The following C4orf50 variants were observed in gnomAD, a reference collection of about 807,000 sequenced individuals.
C4orf50 encodes uncharacterized protein C4orf50.
In C4orf50, 80 loss-of-function variants were observed where a neutral mutation model predicts 77.2. The ratio of observed to expected loss-of-function variants is 1.04; its 90% confidence interval spans 0.87 to 1.25. The LOEUF (loss-of-function observed/expected upper bound fraction) is 1.25, where lower values mean the gene tolerates loss of function less well. Among genes scored for constraint, C4orf50 ranks in the 50% most tolerant of loss-of-function variants. The pLI is 0.00. For missense variants in C4orf50, 1,257 were observed against 1,152.9 expected, an observed-to-expected ratio of 1.09 and a Z score of -1.31; for synonymous variants, 532 against 465.3, an observed-to-expected ratio of 1.14 and a Z score of -1.84.
chr4:5,955,762 C>G (rs531164609), downstream of C4orf50, among the ~76,000 whole-genome samples: 1 of 152,126 alleles, frequency 6.6e-6, no homozygotes, highest in Non-Finnish European at 1.5e-5. The surrounding 1 kb of genome is among the most constrained non-coding windows in gnomAD (Gnocchi z 5.1). Context: ...CTGGCCCCTC[C>G]GGTGGAGTCA....
At chr4:5,925,245 C>A (rs965180208) in intron 7 of C4orf50, among the ~76,000 whole-genome samples, 1 of 151,756 alleles carries the variant, frequency 6.6e-6, no homozygotes, top group South Asian at 2.1e-4. Flanking sequence ...CAAGGGGAGA[C>A]CCGCAACCCC....
chr4:5,953,632 G>C (rs1718822574), downstream of C4orf50, among the ~76,000 whole-genome samples: 1 of 152,194 alleles, frequency 6.6e-6, no homozygotes, highest in South Asian at 2.1e-4. Context: ...CTGGGAGAGT[G>C]CCAGCCTCCT....
rs113963325 is a variant in C4orf50, at chr4:5,988,223, C to T, written c.3699+124G>A. ...TTTCTTTGTACCAACCTCCTCTCAT[C>T]TGGTAAGTGGGGAGGATGATTGTAC... On this transcript the variant is annotated intron_variant, in intron 28 of 33. Transcript: ENST00000531445. 301 of 1,280,422 alleles carry T rather than the reference C, an allele frequency of 2.4e-4. 4 individuals are homozygous for T. In the African/African-American group the frequency reaches 3.6e-3, roughly 15 times the overall value. The allele number at this position is 1,280,422 out of a possible 1,614,324, so 79.3% of individuals were successfully genotyped here. A position where few individuals can be genotyped will look rare whatever the true frequency, so the allele number is the denominator to read the frequency against.
intron 27 of C4orf50, 55 bp from the exon 6 acceptor site, chr4:5,990,879 C>A: frequency 2.5e-6 from 1 of 398,902 alleles, no homozygotes; most frequent in Non-Finnish European, 4.4e-6. Context: ...CCATTTAGCA[C>A]CCCCACCTCC....
chr4:5,988,927 C>G (rs1030357371), exon 28 of C4orf50: 2 of 1,535,922 alleles, frequency 1.3e-6, no homozygotes, highest in African/African-American at 2.7e-5. Flanking sequence ...TTTGGATTTC[C>G]TGACACTCTC....
intron 29 of C4orf50, 112 bp downstream of exon 7, chr4:5,980,062 G>A (rs28572583): frequency 0.3 from 229,370 of 767,022 alleles, 36,809 homozygotes; most frequent in African/African-American, 0.44. Context: ...TCCAGTACCT[G>A]CTCCCAACTG....
Position 5,992,279 on chromosome 4 carries a change from C to T in C4orf50, c.1221+524G>A, listed in dbSNP as rs1721333140. ...CACAACCACAGCCGGGCTCGCGGGT[C>T]CCAGCACAGCTCTGTTCCTCAGGGA... On this transcript the variant is annotated intron_variant, in intron 27 of 33. Transcript: ENST00000531445. This position sits in a 1 kb window ranked among gnomAD's most constrained non-coding sequence, Gnocchi z 5.0. Among the ~76,000 whole-genome samples the T allele has an allele frequency of 6.6e-6, 1 of 152,172 alleles. No homozygotes were observed. Among genetic ancestry groups the T allele is most frequent in the South Asian group, 2.1e-4 (1 of 4,830 alleles).
chr4:5,947,469 AG>A (rs1402285340), intron 7 of C4orf50, among the ~76,000 whole-genome samples: 21 of 152,222 alleles, frequency 1.4e-4, no homozygotes, highest in Admixed American at 3.9e-4. Context: ...TTGGGGAAAA[AG>A]AATGCAGCCT....
At chr4:5,937,847 C>A (rs142386820) in intron 7 of C4orf50, among the ~76,000 whole-genome samples, 13 of 152,184 alleles carry the variant, frequency 8.5e-5, no homozygotes, top group African/African-American at 3.1e-4. Flanking sequence ...AAGGTTACTA[C>A]CTAATTGTAA....
In C4orf50 at chr4:6,015,443, A is replaced by G. The variant is rs1406081949; in HGVS notation, c.287+2702T>C. ...CCCCGAGCTTGGGCTTTTGGGATCCAGAAATGTGAGAAAATAAGTTTTTGT... is the reference window on the plus strand; with the variant it reads ...CCCCGAGCTTGGGCTTTTGGGATCCGGAAATGTGAGAAAATAAGTTTTTGT... On this transcript the variant is annotated intron_variant, in intron 23 of 33. Coordinates refer to ENST00000531445, the Ensembl canonical transcript of C4orf50. This position sits in a 1 kb window ranked among gnomAD's most constrained non-coding sequence, Gnocchi z 4.4. Among the ~76,000 whole-genome samples the G allele has an allele frequency of 6.6e-6, 1 of 152,268 alleles. No individual in the cohort carries two copies. Among genetic ancestry groups the G allele is most frequent in the South Asian group, 2.1e-4 (1 of 4,816 alleles).
Position 5,901,885 on chromosome 4 carries a change from C to T in C4orf50, c.*2475-3697G>A, listed in dbSNP as rs933093282. 1 of 152,296 alleles carries T rather than the reference C, an allele frequency of 6.6e-6. No individual in the cohort carries two copies. The highest frequency in any genetic ancestry group is 2.4e-5 in the African/African-American group (1 of 41,448). 9.4% of individuals were successfully genotyped at this position (152,296 alleles called of 1,614,324 possible). A position where few individuals can be genotyped will look rare whatever the true frequency, so the allele number is the denominator to read the frequency against. ...TATGCAGGAATCACACAGACAGCAA[C>T]AGATGAGCCTTCCAGGTAAAGCCAA... On this transcript the variant is annotated intron_variant, in intron 7 of 7. Coordinates refer to the C4orf50 transcript ENST00000324058. The surrounding 1 kb of genome is among the most constrained non-coding windows in gnomAD (Gnocchi z 4.4).
rs1719154001 is a variant in C4orf50, at chr4:5,959,506, G to A, written c.4396C>T (p.Gln1466Ter). The A allele has an allele frequency of 1.9e-6, 3 of 1,614,076 alleles. No homozygotes were observed. The South Asian group carries it at 3.3e-5, about 18-fold the overall frequency. ...GAGGGTGCTGGGACGTTATCGACTT[G>A]GAGGGCAGGACAGGGCATTCCGCCT... The change falls in exon 34 of 34, where the codon CAA (glutamine) becomes TAA (stop). Residue 1466 changes from glutamine (Q) to a stop codon, truncating the protein, a stop_gained. Transcript: ENST00000531445. LOFTEE classifies it low-confidence loss of function (END_TRUNC).
rs895794879 is a variant in C4orf50 at position 6,008,317 on chromosome 4, G to A, written c.642C>T (p.Arg214=). 58 of 388,342 alleles carry A rather than the reference G, an allele frequency of 1.5e-4. No individual in the cohort carries two copies. Among genetic ancestry groups the A allele is most frequent in the African/African-American group, 6.7e-4 (32 of 48,054 alleles). The allele number at this position is 388,342 out of a possible 1,614,324, so 24.1% of individuals were successfully genotyped here. A position where few individuals can be genotyped will look rare whatever the true frequency, so the allele number is the denominator to read the frequency against. Reference sequence around the variant, plus strand: ...ACTGGGCCAGCAGGAGGCCCGCGGCGCGGCAGAGGCGCCGCACGTTGCGCT... The same window carrying A: ...ACTGGGCCAGCAGGAGGCCCGCGGCACGGCAGAGGCGCCGCACGTTGCGCT... Residue 214 remains arginine, a synonymous_variant, in exon 25 of 34, where the codon CGC becomes CGT. Coordinates refer to ENST00000531445, the Ensembl canonical transcript of C4orf50. This position sits in a 1 kb window ranked among gnomAD's most constrained non-coding sequence, Gnocchi z 6.0.
intron 23 of C4orf50, 94 bp from the exon 2 acceptor site, chr4:6,012,062 T>C: frequency 2.5e-6 from 1 of 398,406 alleles, no homozygotes; most frequent in Non-Finnish European, 4.4e-6. Context: ...TTATTATTAT[T>C]GTTTTTGTCA....
chr4:5,925,846 T>TG (rs1717489732), intron 7 of C4orf50, among the ~76,000 whole-genome samples: 1 of 151,830 alleles, frequency 6.6e-6, no homozygotes, highest in Admixed American at 6.6e-5. Context: ...GTTCACCAGG[T>TG]GATGGAAGTT....
chr4:5,927,049 A>T (rs1033916666), intron 7 of C4orf50, among the ~76,000 whole-genome samples: 2 of 152,174 alleles, frequency 1.3e-5, no homozygotes, highest in Non-Finnish European at 2.9e-5. Context: ...TACGATGCCC[A>T]CTGTGGAAGG....
chr4:5,946,600 T>C (rs1718492369), intron 7 of C4orf50, among the ~76,000 whole-genome samples: 2 of 152,210 alleles, frequency 1.3e-5, no homozygotes, highest in South Asian at 2.1e-4. Flanking sequence ...TATTTGGGAA[T>C]GTTATTACTT....
rs143388700 is a variant in C4orf50, at chr4:5,963,287, G to A, written c.4275+1737C>T. ...TGGGATTACAGGTGTGAGCCACTGCGCCCAGCCTGCCTAGAATATCTTCTA... is the reference window on the plus strand; with the variant it reads ...TGGGATTACAGGTGTGAGCCACTGCACCCAGCCTGCCTAGAATATCTTCTA... On this transcript the variant is annotated intron_variant, in intron 33 of 33. Transcript: ENST00000531445. Among the ~76,000 whole-genome samples the A allele has an allele frequency of 2.9e-3, 435 of 152,006 alleles. 5 individuals carry two copies. Among genetic ancestry groups the A allele is most frequent in the African/African-American group, 9.7e-3 (400 of 41,448 alleles).
rs1722479471 is a variant in C4orf50 at position 6,011,174 on chromosome 4, C to T, written c.426+656G>A. Among the ~76,000 whole-genome samples, 1 of 152,198 alleles carries T rather than the reference C, an allele frequency of 6.6e-6. No individual in the cohort carries two copies. On this transcript the variant is annotated intron_variant, in intron 24 of 33. Transcript: ENST00000531445. The surrounding 1 kb of genome is among the most constrained non-coding windows in gnomAD (Gnocchi z 4.2). The stretch of plus-strand genomic sequence containing the variant: ...GGCATTCCCCAAATGACCATCTGAC[C>T]CTGAGGCTTCCCTACTTAAGTCCCC...
Sources: gnomAD v4.1 joint callset for allele counts (sites outside exome capture counted in the v4.1 genomes callset) on GRCh38, gnomAD v4.1.1 for gene constraint, Gnocchi (gnomAD v3.1) non-coding constraint, MANE v1.5 for transcripts, NCBI Gene and HGNC (gene_info 2026-07-23, HGNC 2026-07-21) for gene names.